Variants in TMPO observed in about 807,000 individuals in gnomAD.
TMPO encodes the protein LEM domain containing 4.
A neutral mutation model predicts 45.4 loss-of-function variants in TMPO; 22 were observed. The ratio of observed to expected loss-of-function variants is 0.48; its 90% CI spans 0.35 to 0.69. The LOEUF (loss-of-function observed/expected upper bound fraction) is 0.69. TMPO is among the 30% of genes least tolerant of loss of function. The pLI, the probability that TMPO is intolerant of heterozygous loss-of-function variation, is 0.01. For synonymous variants in TMPO, 241 were observed against 204.1 expected, an observed-to-expected ratio of 1.18 and a Z score of -1.54; for missense variants, 512 against 548.8, an observed-to-expected ratio of 0.93 and a Z score of 0.67.
intron 1 of TMPO, among the ~76,000 whole-genome samples, chr12:98,521,100 ATTTTTTTTTT>A (rs398044704): frequency 6.5e-5 from 5 of 76,756 alleles, no homozygotes; most frequent in Admixed American, 1.7e-4. Flanking sequence ...TTTATGAGGA[ATTTTTTTTTT>A]TTTTTTTTTT....
chr12:98,522,046 T>G (rs1876412239), intron 1 of TMPO, among the ~76,000 whole-genome samples: 2 of 152,012 alleles, frequency 1.3e-5, no homozygotes, highest in African/African-American at 4.8e-5. Flanking sequence ...TTGTTTGTTT[T>G]TTTAAGAGAT....
chr12:98,531,171 CT>C (rs1287981780), intron 2 of TMPO, among the ~76,000 whole-genome samples: 5 of 150,498 alleles, frequency 3.3e-5, no homozygotes, highest in Admixed American at 2.7e-4. Flanking sequence ...AACTGCTGAC[CT>C]TAGGTGATCC....
At chr12:98,524,053 TC>T (rs1442273384) in intron 1 of TMPO, among the ~76,000 whole-genome samples, 1 of 152,220 alleles carries the variant, frequency 6.6e-6, no homozygotes, top group African/African-American at 2.4e-5. Flanking sequence ...ACTTTTTCCT[TC>T]CCCAGATTTG....
rs534943771 is a variant in TMPO at position 98,539,532 on chromosome 12, G to A, written c.663+1960G>A. 1.8e-3 allele frequency among the ~76,000 whole-genome samples: 267 copies of A among 147,616 alleles called. 1 individual carries two copies. Among genetic ancestry groups the A allele is most frequent in the African/African-American group, 6.5e-3 (254 of 39,260 alleles). The stretch of plus-strand genomic sequence containing the variant: ...CTGTCGCCCAGGTTGGAGTGCAGTG[G>A]CACAATCTCGGCTCACTTGCAACCT... On this transcript the variant is annotated intron_variant, in intron 4 of 8. Coordinates refer to ENST00000556029, the MANE Select transcript of TMPO (RefSeq NM_001032283.3).
intron 3 of TMPO, chr12:98,533,431 A>G: frequency 1.9e-6 from 3 of 1,614,196 alleles, no homozygotes; most frequent in Non-Finnish European, 2.5e-6. Flanking sequence ...TGGGGTAGGT[A>G]GTTTGCCTGG....
At position 98,515,879 on chromosome 12, in the gene TMPO, C is replaced by T; in HGVS notation, c.12C>T (p.Phe4=). The T allele has an allele frequency of 1.9e-6, 3 of 1,613,492 alleles. No individual in the cohort carries two copies. Among genetic ancestry groups the T allele is most frequent in the Non-Finnish European group, 2.5e-6 (3 of 1,179,698 alleles). The change falls in exon 1 of 9, where the codon TTC becomes TTT. Residue 4 remains phenylalanine (F), a synonymous_variant. Coordinates refer to ENST00000556029, the MANE Select transcript of TMPO (RefSeq NM_001032283.3). ...CGCAGATCCCCGAGATGCCGGAGTT[C>T]CTGGAAGACCCCTCGGTCCTGACAA... is the stretch of plus-strand genomic sequence containing the variant. MPE[F]LEDPSVLTKD...
At chr12:98,530,703 A>G (rs981477435) in intron 2 of TMPO, among the ~76,000 whole-genome samples, 55 of 152,194 alleles carry the variant, frequency 3.6e-4, no homozygotes, top group Non-Finnish European at 1.2e-4. Context: ...TTTCCCCATA[A>G]CTGAATACAG....
At position 98,515,618 on chromosome 12, in the gene TMPO, G is replaced by T; in HGVS notation, c.-250G>T. ...GCAGGCTGCTCGCCTCCTGCCTGTAGTGTGTGGGCTGGGGTTGGTGCGAGC... is the reference window on the plus strand; with the variant it reads ...GCAGGCTGCTCGCCTCCTGCCTGTATTGTGTGGGCTGGGGTTGGTGCGAGC... On this transcript the variant is annotated 5_prime_UTR_variant, in exon 1 of 9. Transcript: ENST00000556029. 1 of 658,958 alleles carries T rather than the reference G, an allele frequency of 1.5e-6. No individual in the cohort carries two copies. The highest frequency in any genetic ancestry group is 2.5e-6 in the Non-Finnish European group (1 of 394,616). 40.8% of individuals were successfully genotyped at this position (658,958 alleles called of 1,614,324 possible).
Position 98,534,074 on chromosome 12 carries a change from C to G in TMPO, c.565+2236C>G, listed in dbSNP as rs746645331. The G allele has an allele frequency of 9.3e-6, 15 of 1,610,044 alleles. No individual in the cohort carries two copies. The Admixed American group carries it at 2.0e-4, about 21-fold the overall frequency. ...AGTCAAGCTGCACAGATTCTTAGCTCAGATCCTAGTCGTACCCACCAAGCG... is the reference window on the plus strand; with the variant it reads ...AGTCAAGCTGCACAGATTCTTAGCTGAGATCCTAGTCGTACCCACCAAGCG... On this transcript the variant is annotated intron_variant, in intron 3 of 8. Transcript: ENST00000556029.
intron 1 of TMPO, chr12:98,527,620 C>A (rs975415402): frequency 3.6e-6 from 1 of 275,572 alleles, no homozygotes; most frequent in Non-Finnish European, 6.8e-6. Flanking sequence ...CCATTACTAT[C>A]TCTTTTAGAT....
At chr12:98,528,535 C>G (rs1269477254) in intron 2 of TMPO, among the ~76,000 whole-genome samples, 1 of 152,060 alleles carries the variant, frequency 6.6e-6, no homozygotes, top group Non-Finnish European at 1.5e-5. Context: ...CCTCGGCCTC[C>G]CAAAGTGCTG....
chr12:98,515,983 A>C lies in TMPO; in HGVS notation c.116A>C (p.Gln39Pro). The part of the protein sequence containing the change: ...AGEQRKDVYV[Q>P]LYLQHLTARN... ...GAGCAGCGCAAAGACGTGTACGTCC[A>C]GCTCTACCTGCAGCACCTCACGGCT... Residue 39 changes from glutamine (Q) to proline (P), a missense_variant, in exon 1 of 9, where the codon CAG becomes CCG. This residue lies in a region of TMPO where 299 missense variants were observed against 296.7 expected (regional missense o/e 1.01). Transcript: ENST00000556029. 1 of 1,612,870 alleles carries C rather than the reference A, an allele frequency of 6.2e-7. No individual in the cohort carries two copies. The highest frequency in any genetic ancestry group is 8.5e-7 in the Non-Finnish European group (1 of 1,179,836).
Position 98,548,052 on chromosome 12 carries a change from G to A in TMPO, c.*194G>A. The A allele has an allele frequency of 1.3e-5, 8 of 606,090 alleles. No individual in the cohort carries two copies. Among genetic ancestry groups the A allele is most frequent in the South Asian group, 1.1e-4 (5 of 43,710 alleles). The allele number at this position is 606,090 out of a possible 1,614,324, so 37.5% of individuals were successfully genotyped here. On this transcript the variant is annotated 3_prime_UTR_variant, in exon 9 of 9. Coordinates refer to ENST00000556029, the MANE Select transcript of TMPO (RefSeq NM_001032283.3). ...AATGTTTTTGAACTTTGGACTAGTA[G>A]GAGATCACTTTGTGCCATATGAATA...
rs761995991 is a variant in TMPO at position 98,527,843 on chromosome 12, C to T, written c.280-43C>T. On this transcript the variant is annotated intron_variant, in intron 1 of 8. Transcript: ENST00000556029. ...TACAGGTTATTATCTAGTAAGTGAA[C>T]ACTTTAATTCATATGGAAATGATTA... 27 of 1,609,450 alleles carry T rather than the reference C, an allele frequency of 1.7e-5. No individual in the cohort carries two copies. In the South Asian group the frequency reaches 2.9e-4, roughly 17 times the overall value.
At chr12:98,546,681 C>T (rs907303943) in intron 8 of TMPO, among the ~76,000 whole-genome samples, 3 of 152,168 alleles carry the variant, frequency 2.0e-5, no homozygotes, top group African/African-American at 4.8e-5. Flanking sequence ...GTCTACCCAC[C>T]GACTTTTAAA....
chr12:98,545,583 T>C (rs1878183135), intron 7 of TMPO, among the ~76,000 whole-genome samples: 1 of 152,166 alleles, frequency 6.6e-6, no homozygotes, highest in Non-Finnish European at 1.5e-5. Flanking sequence ...AGGTAAACAG[T>C]AAAACAAGCT....
intron 4 of TMPO, among the ~76,000 whole-genome samples, chr12:98,539,947 G>T (rs559683395): frequency 8.5e-5 from 13 of 152,230 alleles, no homozygotes; most frequent in African/African-American, 3.1e-4. Flanking sequence ...TAATTTATTT[G>T]TATCTAATTC....
chr12:98,529,541 C>G (rs1391620205), intron 2 of TMPO, among the ~76,000 whole-genome samples: 1 of 152,084 alleles, frequency 6.6e-6, no homozygotes, highest in African/African-American at 2.4e-5. Flanking sequence ...TTAGCAATAA[C>G]CTCAAGATGA....
At chr12:98,527,857 T>C (rs767467021) in intron 1 of TMPO, 29 bp from the exon 2 acceptor site, 1 of 1,612,408 alleles carries the variant, frequency 6.2e-7, no homozygotes, top group Non-Finnish European at 8.5e-7. Flanking sequence ...TTAATTCATA[T>C]GGAAATGATT....
Sources: allele counts gnomAD v4.1 joint callset (sites outside exome capture counted in the v4.1 genomes callset), GRCh38; gene constraint gnomAD v4.1.1; regional missense constraint gnomAD v4.1.1; transcripts MANE v1.5; gene names NCBI Gene and HGNC (gene_info 2026-07-23, HGNC 2026-07-21).